Variants in ATP2C2 observed in about 807,000 individuals in gnomAD.
ATP2C2 encodes calcium-transporting ATPase type 2C member 2.
In ATP2C2, 171 loss-of-function variants were observed where a neutral mutation model predicts 110.8. That is an observed-to-expected ratio of 1.54 (90% confidence interval 1.36 to 1.75). The LOEUF is 1.75. Among genes scored for constraint, ATP2C2 ranks in the 40% most tolerant of loss-of-function variants. ATP2C2 has a pLI of 0.00. For missense variants in ATP2C2, 1,963 were observed against 1,235.0 expected (o/e 1.59, Z -8.84); for synonymous variants, 804 against 508.4 (o/e 1.58, Z -7.82).
intron 17 of ATP2C2, among the ~76,000 whole-genome samples, chr16:84,449,016 C>T (rs1351591956): frequency 6.6e-6 from 1 of 152,232 alleles, no homozygotes; most frequent in East Asian, 1.9e-4. Context: ...GTCAGGAAAA[C>T]CCGAAGTTCT....
At chr16:84,375,964 C>T (rs961361358) in intron 1 of ATP2C2, among the ~76,000 whole-genome samples, 3 of 151,400 alleles carry the variant, frequency 2.0e-5, no homozygotes, top group Admixed American at 6.6e-5. Flanking sequence ...GTGGGGGTAG[C>T]TGGGTGGGTG....
At chr16:84,385,981 C>T (rs1205152662) in intron 1 of ATP2C2, among the ~76,000 whole-genome samples, 1 of 152,178 alleles carries the variant, frequency 6.6e-6, no homozygotes, top group Admixed American at 6.5e-5. Flanking sequence ...TATTTTGATG[C>T]TTCATTGTCT....
chr16:84,453,005 G>T, intron 18 of ATP2C2, 133 bp from the exon 19 acceptor site: 1 of 857,404 alleles, frequency 1.2e-6, no homozygotes, highest in Non-Finnish European at 1.8e-6. Flanking sequence ...AGGCCGTGCA[G>T]CATGGTAGGT....
intron 14 of ATP2C2, among the ~76,000 whole-genome samples, chr16:84,442,262 C>A (rs919139426): frequency 6.6e-6 from 1 of 152,176 alleles, no homozygotes; most frequent in Non-Finnish European, 1.5e-5. Flanking sequence ...CCCCGTTACC[C>A]CACACTCGTC....
chr16:84,440,267 C>A (rs781318770), intron 13 of ATP2C2, among the ~76,000 whole-genome samples: 1 of 152,220 alleles, frequency 6.6e-6, no homozygotes, highest in Non-Finnish European at 1.5e-5. Context: ...CAAGTCCTTG[C>A]GTGTTTTTCA....
intron 21 of ATP2C2, among the ~76,000 whole-genome samples, chr16:84,456,343 T>G (rs1280858924): frequency 2.6e-5 from 4 of 152,150 alleles, no homozygotes; most frequent in African/African-American, 9.6e-5. Context: ...AACTTCTTCC[T>G]GGTTTAGTCT....
chr16:84,384,487 T>C (rs1451190880), intron 1 of ATP2C2, among the ~76,000 whole-genome samples: 1 of 152,216 alleles, frequency 6.6e-6, no homozygotes, highest in Non-Finnish European at 1.5e-5. Context: ...GTTTGTCTCG[T>C]TACTGGTGGG....
Position 84,439,285 on chromosome 16 carries a change from C to G in ATP2C2, c.1106C>G (p.Thr369Ser), listed in dbSNP as rs748974485. 1 of 1,613,010 alleles carries G rather than the reference C, an allele frequency of 6.2e-7. No individual in the cohort carries two copies. Among genetic ancestry groups the G allele is most frequent in the South Asian group, 1.1e-5 (1 of 91,000 alleles). ...GTGAAGAAGTTACCCATCGTGGAGACTTTAGGTGAGGGACTCCAGCTGGTG... is the reference window on the plus strand; with the variant it reads ...GTGAAGAAGTTACCCATCGTGGAGAGTTTAGGTGAGGGACTCCAGCTGGTG... ...VIVKKLPIVETLGCCSVLCSD... is the reference protein window; with the variant it reads ...VIVKKLPIVESLGCCSVLCSD... The change falls in exon 12 of 27, where the codon ACT becomes AGT. Residue 369 changes from threonine (T) to serine (S), a missense_variant. Thr to Ser is a moderately conservative substitution (Grantham distance 58). Coordinates refer to ENST00000262429, the MANE Select transcript of ATP2C2 (RefSeq NM_014861.4).
chr16:84,413,632 A>T (rs991034856), intron 6 of ATP2C2, among the ~76,000 whole-genome samples: 1 of 152,188 alleles, frequency 6.6e-6, no homozygotes, highest in Non-Finnish European at 1.5e-5. Flanking sequence ...AGCGTGCATT[A>T]TTGATGTCTC....
At chr16:84,453,439 G>A (rs1223213179) in intron 20 of ATP2C2, 68 bp downstream of exon 20, 10 of 1,592,160 alleles carry the variant, frequency 6.3e-6, no homozygotes, top group Admixed American at 3.3e-5. Context: ...GGCTCGAGGA[G>A]CTCATGCGTC....
rs145959813 is a variant in ATP2C2, at chr16:84,398,482, C to T, written c.100-17C>T. 1,868 of 1,559,294 alleles carry T rather than the reference C, an allele frequency of 1.2e-3. 3 individuals carry two copies. The highest frequency in any genetic ancestry group is 1.7e-3 in the Middle Eastern group (10 of 5,868). ...AAAAGTTCAATCCGCTAAACAGCAA[C>T]CCTGCTCTTTTCACAGATTGATGAA... is the stretch of plus-strand genomic sequence containing the variant. On this transcript the variant is annotated splice_polypyrimidine_tract_variant and intron_variant, in intron 1 of 26. Coordinates refer to ENST00000262429, the MANE Select transcript of ATP2C2 (RefSeq NM_014861.4).
At chr16:84,380,349 T>G (rs997300468) in intron 1 of ATP2C2, among the ~76,000 whole-genome samples, 3 of 152,144 alleles carry the variant, frequency 2.0e-5, no homozygotes, top group Admixed American at 6.5e-5. Context: ...GAATTGTATG[T>G]TTTTTTTCTT....
In ATP2C2 at chr16:84,463,680, A is replaced by T; in HGVS notation, c.2789A>T (p.Glu930Val). The change falls in exon 27 of 27, where the codon GAA becomes GTA. Residue 930 changes from glutamate (E) to valine (V), a missense_variant. Glu to Val is a moderately radical substitution (Grantham distance 121). Coordinates refer to ENST00000262429, the MANE Select transcript of ATP2C2 (RefSeq NM_014861.4). ...FILSELLKLCEKYCCSPKRVQ... is the reference protein window; with the variant it reads ...FILSELLKLCVKYCCSPKRVQ... The stretch of plus-strand genomic sequence containing the variant: ...TTGTCAGAGCTCCTCAAACTATGTG[A>T]AAAATACTGTTGCAGCCCCAAGAGA... 1 of 1,614,164 alleles carries T rather than the reference A, an allele frequency of 6.2e-7. No individual in the cohort carries two copies. The highest frequency in any genetic ancestry group is 1.1e-5 in the South Asian group (1 of 91,086).
intron 21 of ATP2C2, among the ~76,000 whole-genome samples, chr16:84,458,512 AAAT>A (rs1362152692): frequency 7.9e-3 from 31 of 3,900 alleles, no homozygotes; most frequent in Middle Eastern, 0.12. Context: ...AAAAAAATTT[AAAT>A]AAAAAAAAAG....
chr16:84,454,999 T>C lies in ATP2C2; in HGVS notation c.2147+15T>C, dbSNP rs1206266676. On this transcript the variant is annotated intron_variant, in intron 21 of 26. Transcript: ENST00000262429. ...TCAGCCATCATGTAAGCTGCCCTTC[T>C]GGTTGTTTTTCAGTTGCAAAAATGC... 1.9e-6 allele frequency: 3 copies of C among 1,605,062 alleles called. No individual in the cohort carries two copies. The South Asian group carries it at 3.3e-5, about 18-fold the overall frequency.
chr16:84,437,463 A>C (rs1007515403), intron 11 of ATP2C2, among the ~76,000 whole-genome samples: 5 of 152,130 alleles, frequency 3.3e-5, no homozygotes, highest in Non-Finnish European at 5.9e-5. Context: ...TGCCAGTGTG[A>C]TCCTCCCAAA....
At chr16:84,422,324 G>A (rs958422397) in intron 7 of ATP2C2, 66 bp from the exon 8 acceptor site, 64 of 1,541,340 alleles carry the variant, frequency 4.2e-5, no homozygotes, top group Non-Finnish European at 5.2e-5. Flanking sequence ...GTACCATTTT[G>A]TGCTTTTAAC....
At chr16:84,376,835 C>T (rs573691414) in intron 1 of ATP2C2, among the ~76,000 whole-genome samples, 319 of 152,348 alleles carry the variant, frequency 2.1e-3, no homozygotes, top group African/African-American at 7.4e-3. Context: ...AGGCCAACAC[C>T]TGTCCTGCAC....
intron 20 of ATP2C2, among the ~76,000 whole-genome samples, chr16:84,453,616 C>A (rs867584360): frequency 6.6e-6 from 1 of 152,120 alleles, no homozygotes; most frequent in South Asian, 2.1e-4. Flanking sequence ...GCAACACTTG[C>A]GCTGACAGCC....
Sources: allele counts gnomAD v4.1 joint callset (sites outside exome capture counted in the v4.1 genomes callset), GRCh38; gene constraint gnomAD v4.1.1; transcripts MANE v1.5; gene names NCBI Gene and HGNC (gene_info 2026-07-23, HGNC 2026-07-21).